The following SLC29A4 variants were observed in gnomAD, a reference collection of about 807,000 sequenced individuals.
SLC29A4 encodes equilibrative nucleoside transporter 4.
Under a neutral mutation model 43.9 loss-of-function variants are expected in SLC29A4, and 36 were observed. The observed-to-expected ratio is 0.82, with a 90% CI of 0.63 to 1.08. The LOEUF (loss-of-function observed/expected upper bound fraction) is 1.08, where lower values mean the gene tolerates loss of function less well. Ranked by LOEUF, SLC29A4 falls within the 50% of genes least tolerant of loss-of-function variation. The pLI is 0.00. For missense variants in SLC29A4, 869 were observed against 755.3 expected (o/e 1.15, Z -1.77); for synonymous variants, 491 against 338.0 (o/e 1.45, Z -4.97).
At chr7:5,283,167 C>G (rs1265295975) in intron 1 of SLC29A4, 85 bp downstream of exon 1, 3 of 148,128 alleles carry the variant, frequency 2.0e-5, no homozygotes, top group Non-Finnish European at 4.5e-5. Context: ...TTCCCCCGCC[C>G]CCTCCCGCCC....
chr7:5,298,082 C>T (rs1222083501), intron 7 of SLC29A4, among the ~76,000 whole-genome samples: 1 of 152,136 alleles, frequency 6.6e-6, no homozygotes, highest in African/African-American at 2.4e-5. Context: ...GGCGAGGGAG[C>T]CATTGGTCCT....
At chr7:5,302,590 G>C (rs1158223940) in intron 10 of SLC29A4, among the ~76,000 whole-genome samples, 1 of 152,230 alleles carries the variant, frequency 6.6e-6, no homozygotes, top group African/African-American at 2.4e-5. Context: ...GGCAGGCAAG[G>C]CCTGGAGTGC....
intron 7 of SLC29A4, among the ~76,000 whole-genome samples, 190 bp downstream of exon 7, chr7:5,297,388 C>T (rs1168441549): frequency 6.6e-6 from 1 of 152,240 alleles, no homozygotes; most frequent in Non-Finnish European, 1.5e-5. Flanking sequence ...CTTACTGGCA[C>T]CCCACGTCTC....
chr7:5,289,787 G>C (rs1230803912), intron 2 of SLC29A4, among the ~76,000 whole-genome samples: 1 of 152,076 alleles, frequency 6.6e-6, no homozygotes, highest in Non-Finnish European at 1.5e-5. Flanking sequence ...TACCGCCACC[G>C]AGCATGATAC....
intron 1 of SLC29A4, among the ~76,000 whole-genome samples, chr7:5,285,208 C>T (rs1784872398): frequency 1.3e-5 from 2 of 152,192 alleles, no homozygotes; most frequent in Non-Finnish European, 2.9e-5. Flanking sequence ...CCGCCCAGAG[C>T]CACCCTCGTT....
intron 6 of SLC29A4, among the ~76,000 whole-genome samples, chr7:5,295,867 G>A (rs532533888): frequency 2.6e-5 from 4 of 152,238 alleles, no homozygotes; most frequent in South Asian, 4.1e-4. Flanking sequence ...CACTGATGTC[G>A]CGTGGTTTAT....
In SLC29A4 at chr7:5,299,010, C is replaced by A; in HGVS notation, c.905C>A (p.Ala302Asp). The change falls in exon 8 of 11, where the codon GCC becomes GAC. Residue 302 changes from alanine (A) to aspartate (D), a missense_variant. Ala to Asp is a moderately radical substitution (Grantham distance 126, BLOSUM62 -2). Transcript: ENST00000396872. ...CAGGAGCACCCAGCCCCGGCCCTGG[C>A]CCCCAACGAGTCCCCAAAGGACAGC... The part of the protein sequence containing the change: ...VHFEHPAPAL[A>D]PNESPKDSPA... The A allele has an allele frequency of 6.2e-7, 1 of 1,610,688 alleles. No homozygotes were observed. The highest frequency in any genetic ancestry group is 1.1e-5 in the South Asian group (1 of 91,024).
Position 5,287,853 on chromosome 7 carries a change from AGCGTGGCAG to A in SLC29A4, c.40_48del (p.Val14_Gly16del). 6.2e-7 allele frequency: 1 copy of A among 1,611,992 alleles called. No individual in the cohort carries two copies. ...GGGGAGCCAGCGCCTTGAGGAGCCC[AGCGTGGCAG>A]GCACACCAGACCCGGGCGTAGTGAT... is the stretch of plus-strand genomic sequence containing the variant. On this transcript the variant is annotated inframe_deletion, in exon 2 of 11. Coordinates refer to ENST00000396872, the MANE Select transcript of SLC29A4 (RefSeq NM_153247.4).
At chr7:5,298,112 C>A (rs1014685468) in intron 7 of SLC29A4, among the ~76,000 whole-genome samples, 3 of 152,190 alleles carry the variant, frequency 2.0e-5, no homozygotes, top group African/African-American at 7.2e-5. Flanking sequence ...GGGTCGGGAA[C>A]CAGAATGGTC....
At chr7:5,291,075 G>T in intron 3 of SLC29A4, 49 bp from the exon 4 acceptor site, 7 of 1,596,630 alleles carry the variant, frequency 4.4e-6, no homozygotes, top group Non-Finnish European at 6.0e-6. Context: ...AGGAGTCAGT[G>T]CAGGGGGTGG....
chr7:5,290,772 C>T lies in SLC29A4; in HGVS notation c.210C>T (p.Ile70=). The T allele has an allele frequency of 6.2e-7, 1 of 1,614,040 alleles. No homozygotes were observed. Among genetic ancestry groups the T allele is most frequent in the Non-Finnish European group, 8.5e-7 (1 of 1,179,940 alleles). Residue 70 remains isoleucine (I), a synonymous_variant, in exon 3 of 11, where the codon ATC becomes ATT. Transcript: ENST00000396872. ...TGCCCGATGACCGTTATCACGCCAT[C>T]TACTTTGCGATGCTGCTGGCTGGCG... The part of the protein sequence containing the change: ...EPVPDDRYHA[I]YFAMLLAGVG...
Position 5,306,885 on chromosome 7 carries a change from A to T in SLC29A4, c.*3946A>T, listed in dbSNP as rs1941997342. On this transcript the variant is annotated 3_prime_UTR_variant, in exon 11 of 11. Transcript: ENST00000396872. ...AAATTCCAAAAGAAACATAAAAAAA[A>T]AAACCAATAATTCCCCCAAAAAACA... 1 of 151,046 alleles carries T rather than the reference A, an allele frequency of 6.6e-6. No individual in the cohort carries two copies. The highest frequency in any genetic ancestry group is 2.1e-4 in the South Asian group (1 of 4,798). The allele number at this position is 151,046 out of a possible 1,614,324, so 9.4% of individuals were successfully genotyped here. A position where few individuals can be genotyped will look rare whatever the true frequency, so the allele number is the denominator to read the frequency against.
intron 9 of SLC29A4, among the ~76,000 whole-genome samples, chr7:5,299,711 G>A (rs1365512284): frequency 6.6e-6 from 1 of 152,216 alleles, no homozygotes; most frequent in African/African-American, 2.4e-5. Flanking sequence ...GAGCACAGGA[G>A]GATGCCCCAG....
At position 5,306,079 on chromosome 7, in the gene SLC29A4, C is replaced by A. The variant is rs1432032082; in HGVS notation, c.*3140C>A. ...GGCCAGGCTGGTCTTGAACTCCTGA[C>A]CTCAAGTGATCCGCCTCCCTTGGCC... is the stretch of plus-strand genomic sequence containing the variant. On this transcript the variant is annotated 3_prime_UTR_variant, in exon 11 of 11. Coordinates refer to ENST00000396872, the MANE Select transcript of SLC29A4 (RefSeq NM_153247.4). The A allele has an allele frequency of 1.3e-5, 2 of 150,820 alleles. No homozygotes were observed. The highest frequency in any genetic ancestry group is 4.9e-5 in the African/African-American group (2 of 40,928). The allele number at this position is 150,820 out of a possible 1,614,324, so 9.3% of individuals were successfully genotyped here.
intron 6 of SLC29A4, among the ~76,000 whole-genome samples, chr7:5,295,604 C>T (rs1470171500): frequency 6.6e-6 from 1 of 152,242 alleles, no homozygotes; most frequent in Non-Finnish European, 1.5e-5. Flanking sequence ...TCAGGGTTCC[C>T]AATCTTCCTT....
intron 7 of SLC29A4, among the ~76,000 whole-genome samples, chr7:5,297,535 G>C: frequency 6.6e-6 from 1 of 152,218 alleles, no homozygotes; most frequent in Non-Finnish European, 1.5e-5. Flanking sequence ...CCATCCCTGG[G>C]ACAGCCCACG....
Position 5,306,557 on chromosome 7 carries a change from CTCCTGACT to C in SLC29A4, c.*3621_*3628del, listed in dbSNP as rs1786517972. Reference sequence around the variant, plus strand: ...CCATATTGGCCAGGCTGGTCTCGAACTCCTGACTTCAAGTGATCCGCCTGCCTTGGCCT... The same window carrying C: ...CCATATTGGCCAGGCTGGTCTCGAACTCAAGTGATCCGCCTGCCTTGGCCT... On this transcript the variant is annotated 3_prime_UTR_variant, in exon 11 of 11. Transcript: ENST00000396872. 3 of 152,106 alleles carry C rather than the reference CTCCTGACT, an allele frequency of 2.0e-5. No individual in the cohort carries two copies. In the South Asian group the frequency reaches 6.2e-4, roughly 32 times the overall value. 9.4% of individuals were successfully genotyped at this position (152,106 alleles called of 1,614,324 possible).
chr7:5,306,581 G>A lies in SLC29A4; in HGVS notation c.*3642G>A, dbSNP rs1283589022. 1.3e-5 allele frequency: 2 copies of A among 152,022 alleles called. No homozygotes were observed. Among genetic ancestry groups the A allele is most frequent in the African/African-American group, 4.8e-5 (2 of 41,394 alleles). 9.4% of individuals were successfully genotyped at this position (152,022 alleles called of 1,614,324 possible). ...ACTCCTGACTTCAAGTGATCCGCCT[G>A]CCTTGGCCTCCCAAAGTGCTGGCAT... On this transcript the variant is annotated 3_prime_UTR_variant, in exon 11 of 11. Coordinates refer to ENST00000396872, the MANE Select transcript of SLC29A4 (RefSeq NM_153247.4).
rs954927210 is a variant in SLC29A4 at position 5,305,612 on chromosome 7, C to T, written c.*2673C>T. 1 of 137,404 alleles carries T rather than the reference C, an allele frequency of 7.3e-6. No individual in the cohort carries two copies. Among genetic ancestry groups the T allele is most frequent in the African/African-American group, 2.7e-5 (1 of 36,588 alleles). 8.5% of individuals were successfully genotyped at this position (137,404 alleles called of 1,614,324 possible). ...CGCTTTTGTTGCCCAGGCTGGAGTGCAATGGCTCGATTTCAGCTCACTGCA... is the reference window on the plus strand; with the variant it reads ...CGCTTTTGTTGCCCAGGCTGGAGTGTAATGGCTCGATTTCAGCTCACTGCA... On this transcript the variant is annotated 3_prime_UTR_variant, in exon 11 of 11. Coordinates refer to ENST00000396872, the MANE Select transcript of SLC29A4 (RefSeq NM_153247.4).
Sources: allele counts gnomAD v4.1 joint callset (sites outside exome capture counted in the v4.1 genomes callset), GRCh38; gene constraint gnomAD v4.1.1; transcripts MANE v1.5; gene names NCBI Gene and HGNC (gene_info 2026-07-23, HGNC 2026-07-21).